The following AKAIN1 variants were observed in gnomAD, a reference collection of about 807,000 sequenced individuals.
The protein encoded by AKAIN1 is A-kinase anchor protein inhibitor 1.
Under a neutral mutation model 3.7 loss-of-function variants are expected in AKAIN1, and 3 were observed. That is an observed-to-expected ratio of 0.82 (90% CI 0.37 to 2.12). AKAIN1 has a LOEUF of 2.12. Ranked by LOEUF, AKAIN1 falls within the 30% of genes most tolerant of loss-of-function variation. The pLI, the probability that AKAIN1 is intolerant of heterozygous loss-of-function variation, is 0.06. For missense variants in AKAIN1, 82 were observed against 82.7 expected (o/e 0.99, Z 0.03); for synonymous variants, 31 against 30.8 (o/e 1.01, Z -0.02).
intron 1 of AKAIN1, among the ~76,000 whole-genome samples, chr18:5,153,375 C>A (rs568355688): frequency 6.6e-6 from 1 of 152,226 alleles, no homozygotes; most frequent in East Asian, 1.9e-4. Context: ...ATCTAATTTA[C>A]CAGCTATGAA....
At chr18:5,158,264 C>G (rs66958910) in intron 1 of AKAIN1, among the ~76,000 whole-genome samples, 19,041 of 152,158 alleles carry the variant, frequency 0.13, 1,898 homozygotes, top group African/African-American at 0.26. Context: ...ATTTTCTGCT[C>G]TTGGCCTCCT....
intron 1 of AKAIN1, among the ~76,000 whole-genome samples, chr18:5,160,539 T>C (rs1011029629): frequency 3.9e-5 from 6 of 152,196 alleles, no homozygotes; most frequent in Non-Finnish European, 7.4e-5. Context: ...TCTGTGTTTC[T>C]CTTAATGAGC....
chr18:5,148,514 G>T (rs1209307710), intron 1 of AKAIN1, among the ~76,000 whole-genome samples: 2 of 152,156 alleles, frequency 1.3e-5, no homozygotes, highest in African/African-American at 4.8e-5. Context: ...AGCTATGTGG[G>T]AGGCTATGAA....
At chr18:5,162,252 C>A (rs188108552) in intron 1 of AKAIN1, among the ~76,000 whole-genome samples, 126 of 152,248 alleles carry the variant, frequency 8.3e-4, no homozygotes, top group African/African-American at 2.8e-3. Flanking sequence ...GGATCTCACT[C>A]TTCTGGTCCC....
At chr18:5,169,764 T>C (rs909874826) in intron 1 of AKAIN1, among the ~76,000 whole-genome samples, 2 of 152,138 alleles carry the variant, frequency 1.3e-5, no homozygotes, top group Non-Finnish European at 2.9e-5. Context: ...AAACATTTTG[T>C]CCCAATTAAC....
chr18:5,178,758 T>A (rs1008431481), intron 1 of AKAIN1, among the ~76,000 whole-genome samples: 9 of 152,088 alleles, frequency 5.9e-5, no homozygotes, highest in African/African-American at 2.2e-4. Context: ...AAAATCCTTA[T>A]GCTTAGAACA....
chr18:5,181,647 C>G (rs544871889), intron 1 of AKAIN1, among the ~76,000 whole-genome samples: 1 of 152,212 alleles, frequency 6.6e-6, no homozygotes, highest in East Asian at 1.9e-4. Context: ...AAAAGAGGCA[C>G]AGGAGTTATA....
chr18:5,180,627 A>T (rs2071252549), intron 1 of AKAIN1, among the ~76,000 whole-genome samples: 1 of 152,140 alleles, frequency 6.6e-6, no homozygotes, highest in Non-Finnish European at 1.5e-5. Flanking sequence ...TGGTGAAATA[A>T]TCTACTCTGA....
rs2071030606 is a variant in AKAIN1 at position 5,143,186 on chromosome 18, T to C, written c.*2376A>G. On this transcript the variant is annotated 3_prime_UTR_variant, in exon 2 of 2. Transcript: ENST00000434239. ...TAATCCTATGTCAAATGAAGTTCTGTAGGCCCCTTGTAAAATCTAGTAACT... is the reference window on the plus strand; with the variant it reads ...TAATCCTATGTCAAATGAAGTTCTGCAGGCCCCTTGTAAAATCTAGTAACT... Among the ~76,000 whole-genome samples, 1 of 152,240 alleles carries C rather than the reference T, an allele frequency of 6.6e-6. No individual in the cohort carries two copies. The highest frequency in any genetic ancestry group is 2.1e-4 in the South Asian group (1 of 4,832).
chr18:5,164,119 G>A (rs184123), intron 1 of AKAIN1, among the ~76,000 whole-genome samples: 7,327 of 152,020 alleles, frequency 0.048, 448 homozygotes, highest in African/African-American at 0.14. Flanking sequence ...AAAAAATCTA[G>A]AGCAAGGTGA....
chr18:5,189,412 T>C (rs1311152729), intron 1 of AKAIN1, among the ~76,000 whole-genome samples: 2 of 152,188 alleles, frequency 1.3e-5, no homozygotes, highest in Middle Eastern at 3.2e-3. Context: ...GCCAGGCTCT[T>C]AATTTTTCAA....
At chr18:5,176,769 TAAC>T (rs980683681) in intron 1 of AKAIN1, among the ~76,000 whole-genome samples, 3 of 152,138 alleles carry the variant, frequency 2.0e-5, no homozygotes, top group Non-Finnish European at 2.9e-5. Context: ...AAAAACACGA[TAAC>T]AACAAATTCT....
At position 5,145,383 on chromosome 18, in the gene AKAIN1, G is replaced by C; in HGVS notation, c.*179C>G. ...CAGAGGCACTGCATAAATATGAACA[G>C]AATCGTCTAATGCACTTTTTCAAAA... is the stretch of plus-strand genomic sequence containing the variant. On this transcript the variant is annotated 3_prime_UTR_variant, in exon 2 of 2. Transcript: ENST00000434239. 1 of 545,138 alleles carries C rather than the reference G, an allele frequency of 1.8e-6. No individual in the cohort carries two copies. Among genetic ancestry groups the C allele is most frequent in the Non-Finnish European group, 3.3e-6 (1 of 304,476 alleles). The allele number at this position is 545,138 out of a possible 1,614,324, so 33.8% of individuals were successfully genotyped here. A position where few individuals can be genotyped will look rare whatever the true frequency, so the allele number is the denominator to read the frequency against.
At chr18:5,159,493 T>C (rs1212569531) in intron 1 of AKAIN1, 1 of 152,210 alleles carries the variant, frequency 6.6e-6, no homozygotes, top group Non-Finnish European at 1.5e-5. Flanking sequence ...TTACATGTTA[T>C]CTAACTGAAA....
At chr18:5,150,677 C>G (rs1484555652) in intron 1 of AKAIN1, among the ~76,000 whole-genome samples, 1 of 152,204 alleles carries the variant, frequency 6.6e-6, no homozygotes, top group Admixed American at 6.5e-5. Context: ...CCACAGACCA[C>G]TGTGAGCTCT....
At chr18:5,169,665 T>G (rs559415832) in intron 1 of AKAIN1, among the ~76,000 whole-genome samples, 5 of 152,286 alleles carry the variant, frequency 3.3e-5, no homozygotes, top group African/African-American at 1.2e-4. Context: ...TCCTCTGAGG[T>G]CTCTCTTAGT....
intron 1 of AKAIN1, among the ~76,000 whole-genome samples, chr18:5,164,646 C>T (rs1046980644): frequency 6.6e-6 from 1 of 151,942 alleles, no homozygotes; most frequent in Non-Finnish European, 1.5e-5. Flanking sequence ...CAATGTATCC[C>T]CCTATGGTCA....
At chr18:5,162,879 C>T (rs1347568957) in intron 1 of AKAIN1, among the ~76,000 whole-genome samples, 1 of 151,712 alleles carries the variant, frequency 6.6e-6, no homozygotes, top group East Asian at 1.9e-4. Flanking sequence ...TAGCCTCAGG[C>T]AGGTCATGGA....
Position 5,145,034 on chromosome 18 carries a change from A to T in AKAIN1, c.*528T>A, listed in dbSNP as rs1032733921. 1.3e-5 allele frequency among the ~76,000 whole-genome samples: 2 copies of T among 152,230 alleles called. No homozygotes were observed. ...AAATGCCTTGGTATGGTCCCGAGGG[A>T]CTCAGCCTTAGAATTTCCCTTTTCT... On this transcript the variant is annotated 3_prime_UTR_variant, in exon 2 of 2. Transcript: ENST00000434239.
Sources: gnomAD v4.1 joint callset for allele counts (sites outside exome capture counted in the v4.1 genomes callset) on GRCh38, gnomAD v4.1.1 for gene constraint, MANE v1.5 for transcripts, NCBI Gene and HGNC (gene_info 2026-07-23, HGNC 2026-07-21) for gene names.